The following ZC3H12B variants were observed in gnomAD, a reference collection of about 807,000 sequenced individuals.
ZC3H12B encodes the protein zinc finger CCCH-type containing 12B, also known as probable ribonuclease ZC3H12B.
ZC3H12B carries 7 observed loss-of-function variants against 43.9 expected under a neutral mutation model. That is an observed-to-expected ratio of 0.16 (90% CI 0.09 to 0.30). ZC3H12B has a LOEUF of 0.30. Among genes scored for constraint, ZC3H12B ranks in the 10% least tolerant of loss-of-function variants. The probability of loss-of-function intolerance (pLI) is 1.00; values close to 1 mark genes in which losing one functional copy is unlikely to be tolerated. For synonymous variants in ZC3H12B, 222 were observed against 241.7 expected, an observed-to-expected ratio of 0.92 and a Z score of 0.76; for missense variants, 475 against 670.2, an observed-to-expected ratio of 0.71 and a Z score of 3.22.
At chrX:65,044,597 G>A in the ZC3H12B span, among the ~76,000 whole-genome samples, 1 of 111,182 alleles carries the variant, frequency 9.0e-6, no homozygotes, top group African/African-American at 3.3e-5. Flanking sequence ...GAATAAGCAG[G>A]GAGACCAATT....
chrX:65,456,460 C>A (rs1418282137), intron 3 of ZC3H12B, among the ~76,000 whole-genome samples: 1 of 90,061 alleles, frequency 1.1e-5, no homozygotes, highest in African/African-American at 4.2e-5. Flanking sequence ...TCTCCACAGT[C>A]TCCTTCCATG....
intron 3 of ZC3H12B, among the ~76,000 whole-genome samples, chrX:65,403,531 T>G (rs2066788022): frequency 9.0e-6 from 1 of 111,222 alleles, no homozygotes; most frequent in Admixed American, 9.5e-5. Context: ...CATTTAATAA[T>G]CAAACTTTCA....
At chrX:65,353,953 A>T in the ZC3H12B span, among the ~76,000 whole-genome samples, 1 of 112,022 alleles carries the variant, frequency 8.9e-6, no homozygotes, top group Middle Eastern at 4.6e-3. Flanking sequence ...GAAGAATGGC[A>T]GCAGCCCCAG....
chrX:65,286,584 T>C, the ZC3H12B span, among the ~76,000 whole-genome samples: 45 of 110,529 alleles, frequency 4.1e-4, no homozygotes, highest in African/African-American at 1.4e-3. Flanking sequence ...AAATATAGAA[T>C]ATCTGGATGT....
At chrX:65,469,268 C>A (rs1006120713) in intron 3 of ZC3H12B, 2 of 257,403 alleles carry the variant, frequency 7.8e-6, no homozygotes, top group Non-Finnish European at 7.5e-6. Flanking sequence ...CCATCAACAA[C>A]GCTGTGTCCT....
At chrX:65,044,682 TAGTC>T in the ZC3H12B span, among the ~76,000 whole-genome samples, 1 of 110,935 alleles carries the variant, frequency 9.0e-6, no homozygotes, top group Admixed American at 9.6e-5. Context: ...AAGTGAAAAT[TAGTC>T]AGATTATGAA....
At chrX:65,253,965 C>T in the ZC3H12B span, among the ~76,000 whole-genome samples, 5 of 112,207 alleles carry the variant, frequency 4.5e-5, no homozygotes, top group African/African-American at 9.7e-5. Flanking sequence ...CCCACCATGC[C>T]GCTGCTGCTA....
At chrX:65,290,286 C>G in the ZC3H12B span, among the ~76,000 whole-genome samples, 2 of 110,342 alleles carry the variant, frequency 1.8e-5, no homozygotes, top group African/African-American at 6.6e-5. Flanking sequence ...AAGATGTTAT[C>G]TTATGCCAGG....
chrX:65,218,588 C>T, the ZC3H12B span, among the ~76,000 whole-genome samples: 1 of 110,496 alleles, frequency 9.1e-6, no homozygotes, highest in African/African-American at 3.3e-5. Flanking sequence ...ACAGCAGAGG[C>T]AGACATAATC....
the ZC3H12B span, among the ~76,000 whole-genome samples, chrX:65,182,370 TAACA>T: frequency 5.1e-4 from 57 of 111,434 alleles, no homozygotes; most frequent in Middle Eastern, 9.2e-3. Flanking sequence ...TTTACCTATG[TAACA>T]AACCTGCACG....
At chrX:65,168,162 G>T in the ZC3H12B span, among the ~76,000 whole-genome samples, 21 of 111,511 alleles carry the variant, frequency 1.9e-4, no homozygotes, top group Non-Finnish European at 4.0e-4. Flanking sequence ...GTATGATATT[G>T]GCTGTGGGTC....
intron 3 of ZC3H12B, among the ~76,000 whole-genome samples, chrX:65,476,847 T>G (rs1260928190): frequency 9.3e-6 from 1 of 107,029 alleles, no homozygotes; most frequent in Non-Finnish European, 1.9e-5. Flanking sequence ...TTTTTTTTTT[T>G]GTCTCACTCT....
chrX:65,421,709 C>G (rs778185833), intron 3 of ZC3H12B, among the ~76,000 whole-genome samples: 9 of 111,946 alleles, frequency 8.0e-5, no homozygotes, highest in Admixed American at 5.7e-4. Context: ...CGCCTGTAAT[C>G]CCAGCACTTT....
the ZC3H12B span, among the ~76,000 whole-genome samples, chrX:65,045,485 G>A: frequency 8.9e-6 from 1 of 111,869 alleles, no homozygotes; most frequent in Non-Finnish European, 1.9e-5. Context: ...TCATTCATAA[G>A]AAGCAACTCC....
the ZC3H12B span, among the ~76,000 whole-genome samples, chrX:65,247,255 G>C: frequency 8.9e-6 from 1 of 112,377 alleles, no homozygotes; most frequent in East Asian, 2.8e-4. Flanking sequence ...TGGTGAGGTT[G>C]TGGAGAAAGA....
the ZC3H12B span, among the ~76,000 whole-genome samples, chrX:65,145,986 T>C: frequency 9.0e-6 from 1 of 111,653 alleles, no homozygotes; most frequent in Non-Finnish European, 1.9e-5. Context: ...GCAATGAATT[T>C]CCCAGGTGTT....
the ZC3H12B span, among the ~76,000 whole-genome samples, chrX:65,265,229 G>C: frequency 8.9e-6 from 1 of 112,086 alleles, no homozygotes; most frequent in African/African-American, 3.2e-5. Context: ...AAGAATAAAA[G>C]TAGGCAGGTA....
chrX:65,263,440 CA>C, the ZC3H12B span, among the ~76,000 whole-genome samples: 1 of 109,939 alleles, frequency 9.1e-6, no homozygotes, highest in East Asian at 2.8e-4. Flanking sequence ...GTAGAGCAAA[CA>C]GCATGAAAAA....
intron 3 of ZC3H12B, among the ~76,000 whole-genome samples, chrX:65,449,377 G>A (rs751916313): frequency 9.0e-6 from 1 of 111,665 alleles, no homozygotes; most frequent in African/African-American, 3.2e-5. Context: ...CTAGCACATT[G>A]GGAGGCCAAG....
Sources: allele counts gnomAD v4.1 joint callset (sites outside exome capture counted in the v4.1 genomes callset), GRCh38; gene constraint gnomAD v4.1.1; transcripts MANE v1.5; gene names NCBI Gene and HGNC (gene_info 2026-07-23, HGNC 2026-07-21).